Variants in ASB15 observed in about 807,000 individuals in gnomAD.
ASB15 encodes ankyrin repeat and SOCS box containing 15.
ASB15 carries 54 observed loss-of-function variants against 58.0 expected under a neutral mutation model. The ratio of observed to expected loss-of-function variants is 0.93; its 90% CI spans 0.75 to 1.17. The LOEUF (loss-of-function observed/expected upper bound fraction) is 1.17, where lower values mean the gene tolerates loss of function less well. ASB15 is among the 50% of genes most tolerant of loss of function. The pLI, the probability that ASB15 is intolerant of heterozygous loss-of-function variation, is 0.00. For synonymous variants in ASB15, 249 were observed against 262.4 expected (o/e 0.95, Z 0.50); for missense variants, 680 against 707.4 (o/e 0.96, Z 0.44).
chr7:123,593,834 A>G (rs1041922567), intron 1 of ASB15, among the ~76,000 whole-genome samples: 2 of 152,090 alleles, frequency 1.3e-5, no homozygotes, highest in Non-Finnish European at 2.9e-5. Context: ...CTGCCTTGCT[A>G]GGTTGGGGAA....
In ASB15 at chr7:123,614,510, C is replaced by T. The variant is rs201866672; in HGVS notation, c.8C>T (p.Thr3Ile). The T allele has an allele frequency of 2.1e-4, 328 of 1,591,654 alleles. 3 individuals carry two copies. The East Asian group carries it at 7.3e-3, about 35-fold the overall frequency. Reference protein sequence around the residue: MDTNDDPDEDHLT... With the variant: MDINDDPDEDHLT... ...TCAAAATTATATGCAGGAATGGATA[C>T]TAATGATGACCCTGATGAAGACCAT... The change falls in exon 4 of 12, where the codon ACT (threonine) becomes ATT (isoleucine). Residue 3 changes from threonine to isoleucine, a missense_variant. Transcript: ENST00000451215.
At chr7:123,633,613 G>A (rs1802247648) in intron 11 of ASB15, among the ~76,000 whole-genome samples, 1 of 135,956 alleles carries the variant, frequency 7.4e-6, no homozygotes, top group Admixed American at 7.4e-5. Context: ...GGATTATGCT[G>A]AGTGTGTGTG....
rs1191541109 is a variant in ASB15, at chr7:123,616,502, G to C, written c.292+7G>C. 3 of 1,610,764 alleles carry C rather than the reference G, an allele frequency of 1.9e-6. No individual in the cohort carries two copies. The highest frequency in any genetic ancestry group is 2.5e-6 in the Non-Finnish European group (3 of 1,178,406). The stretch of plus-strand genomic sequence containing the variant: ...CTTGAGATTGTTCTGGATGGTAAGA[G>C]AACATAAAACATGTTTGACCAAGCC... On this transcript the variant is annotated splice_region_variant and intron_variant, in intron 6 of 11. Transcript: ENST00000451215.
chr7:123,576,304 A>T (rs1799063263), intron 1 of ASB15, among the ~76,000 whole-genome samples: 1 of 151,014 alleles, frequency 6.6e-6, no homozygotes, highest in African/African-American at 2.4e-5. Flanking sequence ...TTGCATTTGT[A>T]CTTTTTACTC....
rs1021715188 is a variant in ASB15 at position 123,615,662 on chromosome 7, C to T, written c.108-559C>T. The T allele has an allele frequency of 1.3e-5, 2 of 152,386 alleles. 1 individual carries two copies. Among genetic ancestry groups the T allele is most frequent in the South Asian group, 4.1e-4 (2 of 4,824 alleles). 9.4% of individuals were successfully genotyped at this position (152,386 alleles called of 1,614,324 possible). A position where few individuals can be genotyped will look rare whatever the true frequency, so the allele number is the denominator to read the frequency against. On this transcript the variant is annotated intron_variant, in intron 4 of 11. Transcript: ENST00000451215. ...GATTGGGAGTTTGTTCAGTAAATGC[C>T]CTGCCTATTTTCACTTGTGGAACAG...
chr7:123,571,961 G>A (rs1048035254), intron 1 of ASB15, among the ~76,000 whole-genome samples: 8 of 151,522 alleles, frequency 5.3e-5, no homozygotes, highest in African/African-American at 9.7e-5. Context: ...TTATAGAGAT[G>A]GAGGTCTCAC....
At chr7:123,601,457 G>A (rs181319320), upstream of ASB15, among the ~76,000 whole-genome samples, 4 of 152,270 alleles carry the variant, frequency 2.6e-5, no homozygotes, top group African/African-American at 7.2e-5. Flanking sequence ...CTGAAAGATG[G>A]AGAAAGAAAA....
chr7:123,578,354 T>A (rs1799126268), intron 1 of ASB15, among the ~76,000 whole-genome samples: 1 of 151,870 alleles, frequency 6.6e-6, no homozygotes, highest in Admixed American at 6.6e-5. Context: ...GAACTCTGTT[T>A]TTTAGCCTCT....
intron 11 of ASB15, 67 bp from the exon 12 acceptor site, chr7:123,636,742 A>G: frequency 7.7e-7 from 1 of 1,305,914 alleles, no homozygotes. Flanking sequence ...ATTCTGAAAC[A>G]GTCATATCTT....
chr7:123,567,261 G>A (rs1798787090), intron 1 of ASB15, among the ~76,000 whole-genome samples: 1 of 152,104 alleles, frequency 6.6e-6, no homozygotes, highest in Admixed American at 6.6e-5. Flanking sequence ...GAGTAGCAAG[G>A]GGATCAAAGG....
intron 1 of ASB15, among the ~76,000 whole-genome samples, chr7:123,582,846 A>G (rs1799273951): frequency 6.6e-6 from 1 of 152,054 alleles, no homozygotes; most frequent in Non-Finnish European, 1.5e-5. Context: ...GCTAATAAAT[A>G]CATACTTGGC....
At chr7:123,569,920 G>C (rs1798859505) in intron 1 of ASB15, among the ~76,000 whole-genome samples, 1 of 151,550 alleles carries the variant, frequency 6.6e-6, no homozygotes, top group African/African-American at 2.4e-5. Context: ...TTAGAAGTTA[G>C]AAGCAAATAA....
At chr7:123,636,183 T>C (rs1333537567) in intron 11 of ASB15, among the ~76,000 whole-genome samples, 2 of 152,192 alleles carry the variant, frequency 1.3e-5, no homozygotes, top group Non-Finnish European at 2.9e-5. Flanking sequence ...AGTGCACATC[T>C]AAGCCTGAAT....
chr7:123,571,825 C>T (rs1334913483), intron 1 of ASB15, among the ~76,000 whole-genome samples: 3 of 152,166 alleles, frequency 2.0e-5, no homozygotes, highest in Non-Finnish European at 2.9e-5. Context: ...AGTGCAGTGG[C>T]ATGATCATGA....
At chr7:123,602,962 C>T (rs1584756602) in intron 1 of ASB15, among the ~76,000 whole-genome samples, 2 of 152,092 alleles carry the variant, frequency 1.3e-5, no homozygotes, top group Non-Finnish European at 2.9e-5. Flanking sequence ...TCAGTTTTCT[C>T]ATCTGTAAAG....
chr7:123,611,082 C>CAAAAAAAAAAAAA (rs34527165), intron 3 of ASB15, among the ~76,000 whole-genome samples: 1 of 81,856 alleles, frequency 1.2e-5, no homozygotes, highest in Non-Finnish European at 2.3e-5. Flanking sequence ...AACTCCATCT[C>CAAAAAAAAAAAAA]AAAAAAAAAA....
chr7:123,592,523 T>C (rs1276955531), intron 1 of ASB15, among the ~76,000 whole-genome samples: 1 of 152,252 alleles, frequency 6.6e-6, no homozygotes, highest in Non-Finnish European at 1.5e-5. Context: ...TCTTCATTTC[T>C]GCCTTCATTT....
At position 123,639,158 on chromosome 7, in the gene ASB15, C is replaced by T. The variant is rs912675232; in HGVS notation, c.*2177C>T. 1.3e-5 allele frequency: 2 copies of T among 151,288 alleles called. No homozygotes were observed. The highest frequency in any genetic ancestry group is 1.3e-4 in the Admixed American group (2 of 15,210). The allele number at this position is 151,288 out of a possible 1,614,324, so 9.4% of individuals were successfully genotyped here. ...CCGTATTCTTTAAACAGTAATATCT[C>T]ACTGGTCTGTAAAGTTTTCAAGTTG... On this transcript the variant is annotated 3_prime_UTR_variant, in exon 12 of 12. Coordinates refer to ENST00000451215, the MANE Select transcript of ASB15 (RefSeq NM_001290258.2).
intron 1 of ASB15, among the ~76,000 whole-genome samples, chr7:123,588,278 T>C (rs1799431228): frequency 6.6e-6 from 1 of 151,832 alleles, no homozygotes; most frequent in Non-Finnish European, 1.5e-5. Flanking sequence ...GTTTCTAGCA[T>C]TTGTCTATTC....
Sources: gnomAD v4.1 joint callset for allele counts (sites outside exome capture counted in the v4.1 genomes callset) on GRCh38, gnomAD v4.1.1 for gene constraint, MANE v1.5 for transcripts, NCBI Gene and HGNC (gene_info 2026-07-23, HGNC 2026-07-21) for gene names.